The following TOX3 variants were observed in gnomAD, a reference collection of about 807,000 sequenced individuals.
TOX3 encodes TOX high mobility group box family member 3, also known as CAG trinucleotide repeat-containing gene F9 protein.
A neutral mutation model predicts 64.3 loss-of-function variants in TOX3; 22 were observed. That is an observed-to-expected ratio of 0.34 (90% CI 0.24 to 0.49). TOX3 has a LOEUF of 0.49. Among genes scored for constraint, TOX3 ranks in the 20% least tolerant of loss-of-function variants. The pLI is 0.99. For missense variants in TOX3, 661 were observed against 714.4 expected (o/e 0.93, Z 0.85); for synonymous variants, 291 against 273.6 (o/e 1.06, Z -0.63).
rs1555484130 is a variant in TOX3, at chr16:52,485,246, G to GTGTATATATATATATATATA, written c.88-16673_88-16672insTATATATATATATATATACA. Among the ~76,000 whole-genome samples, 208 of 127,782 alleles carry GTGTATATATATATATATATA rather than the reference G, an allele frequency of 1.6e-3. 4 individuals are homozygous for GTGTATATATATATATATATA. The highest frequency in any genetic ancestry group is 6.7e-3 in the African/African-American group (199 of 29,708). 83.8% of individuals were successfully genotyped at this position (127,782 alleles called of 152,430 possible). On this transcript the variant is annotated intron_variant, in intron 1 of 6. Transcript: ENST00000219746. ...CATGTGTGTGTGTGTATGTGTGTGTGTATATATATATATATATATATATAT... is the reference window on the plus strand; with the variant it reads ...CATGTGTGTGTGTGTATGTGTGTGTGTGTATATATATATATATATATATATATATATATATATATATATAT...
At chr16:52,494,215 G>A (rs771139039) in intron 1 of TOX3, among the ~76,000 whole-genome samples, 19 of 152,056 alleles carry the variant, frequency 1.2e-4, no homozygotes, top group East Asian at 5.8e-4. Flanking sequence ...ATTTTGATGC[G>A]GGTTGGGGGG....
At chr16:52,480,248 C>T (rs1484011843) in intron 1 of TOX3, among the ~76,000 whole-genome samples, 1 of 152,200 alleles carries the variant, frequency 6.6e-6, no homozygotes, top group South Asian at 2.1e-4. Context: ...GCACATGATG[C>T]AGCCCACATC....
Position 52,450,515 on chromosome 16 carries a change from C to T in TOX3, c.440G>A (p.Arg147Gln), listed in dbSNP as rs201164572. 105 of 1,613,786 alleles carry T rather than the reference C, an allele frequency of 6.5e-5. No homozygotes were observed. The highest frequency in any genetic ancestry group is 2.5e-4 in the South Asian group (23 of 91,080). Residue 147 changes from arginine (R) to glutamine (Q), a missense_variant, in exon 4 of 7, where the codon CGG becomes CAG. Arg to Gln is a conservative substitution (Grantham distance 43). Transcript: ENST00000219746. ...DQSHTQVSQY[R>Q]QDPSLIMRSI... is the part of the protein sequence containing the mutation. Reference sequence around the variant, plus strand: ...CCGCATGATCAGGGAGGGATCCTGCCGGTACTGGGACACTTGTGTGTGGCT... The same window carrying T: ...CCGCATGATCAGGGAGGGATCCTGCTGGTACTGGGACACTTGTGTGTGGCT...
chr16:52,507,944 C>T (rs1488601356), intron 1 of TOX3, among the ~76,000 whole-genome samples: 1 of 152,132 alleles, frequency 6.6e-6, no homozygotes, highest in Non-Finnish European at 1.5e-5. Context: ...AACTATATTA[C>T]AATTTAAGCT....
chr16:52,493,638 T>A (rs1391296126), intron 1 of TOX3, among the ~76,000 whole-genome samples: 1 of 152,156 alleles, frequency 6.6e-6, no homozygotes, highest in East Asian at 1.9e-4. Flanking sequence ...GTCCTCCATA[T>A]CTTCTTATTT....
intron 1 of TOX3, among the ~76,000 whole-genome samples, chr16:52,479,126 A>G (rs1462754296): frequency 6.6e-6 from 1 of 152,180 alleles, no homozygotes; most frequent in Non-Finnish European, 1.5e-5. Flanking sequence ...CTCCCCCTTG[A>G]AAGTCAGCAT....
chr16:52,505,870 G>A (rs1437880463), intron 1 of TOX3, among the ~76,000 whole-genome samples: 1 of 152,150 alleles, frequency 6.6e-6, no homozygotes, highest in Admixed American at 6.5e-5. Flanking sequence ...CAGCTACCCA[G>A]GAGGCTGAGG....
Position 52,438,926 on chromosome 16 carries a change from G to T in TOX3, c.*299C>A, listed in dbSNP as rs200843849. The T allele has an allele frequency of 1.8e-6, 1 of 561,658 alleles. No individual in the cohort carries two copies. 34.8% of individuals were successfully genotyped at this position (561,658 alleles called of 1,614,324 possible). ...AGTTTATAGTCATCAGTATGTCCCA[G>T]GATTCATTAAACAGTTTGATTCACA... On this transcript the variant is annotated 3_prime_UTR_variant, in exon 7 of 7. Coordinates refer to ENST00000219746, the MANE Select transcript of TOX3 (RefSeq NM_001080430.4).
intron 1 of TOX3, among the ~76,000 whole-genome samples, chr16:52,520,225 C>G (rs1158851025): frequency 2.0e-5 from 3 of 152,104 alleles, no homozygotes; most frequent in Admixed American, 2.0e-4. Context: ...ATTGGTTGAA[C>G]ACCTTCAGTT....
At chr16:52,517,786 T>A (rs1196993497) in intron 1 of TOX3, among the ~76,000 whole-genome samples, 2 of 152,198 alleles carry the variant, frequency 1.3e-5, no homozygotes, top group Non-Finnish European at 2.9e-5. Context: ...ATAATACTTT[T>A]AAAATATAAA....
intron 3 of TOX3, among the ~76,000 whole-genome samples, chr16:52,453,999 A>G (rs894618823): frequency 2.0e-5 from 3 of 152,212 alleles, no homozygotes; most frequent in South Asian, 2.1e-4. Context: ...TGCATTAGAT[A>G]CTAGTACTAT....
Position 52,437,452 on chromosome 16 carries a change from C to T in TOX3, c.*1773G>A, listed in dbSNP as rs1445794463. The stretch of plus-strand genomic sequence containing the variant: ...GGATTCTGGTCAGGGTTGACACTTG[C>T]TGTTTTTAATTTTCATTTTATCATA... On this transcript the variant is annotated 3_prime_UTR_variant, in exon 7 of 7. Transcript: ENST00000219746. The T allele has an allele frequency of 6.6e-6, 1 of 152,162 alleles. No individual in the cohort carries two copies. Among genetic ancestry groups the T allele is most frequent in the Non-Finnish European group, 1.5e-5 (1 of 68,028 alleles). The allele number at this position is 152,162 out of a possible 1,614,324, so 9.4% of individuals were successfully genotyped here.
chr16:52,535,979 T>G (rs1420261898), intron 1 of TOX3, among the ~76,000 whole-genome samples: 1 of 152,238 alleles, frequency 6.6e-6, no homozygotes, highest in Non-Finnish European at 1.5e-5. Flanking sequence ...CCTAGAAGTG[T>G]CTGACCCATA....
upstream of TOX3, chr16:52,547,622 C>T (rs1963230102): frequency 6.6e-6 from 1 of 152,556 alleles, no homozygotes; most frequent in Non-Finnish European, 1.5e-5. Context: ...CCCGCCTTGC[C>T]TTTCGAATGT....
chr16:52,477,800 A>G (rs1961256616), intron 1 of TOX3, among the ~76,000 whole-genome samples: 1 of 152,224 alleles, frequency 6.6e-6, no homozygotes, highest in South Asian at 2.1e-4. Context: ...TGAGGATTAA[A>G]TGGGTAAGTA....
chr16:52,452,903 C>T (rs940140195), intron 3 of TOX3, among the ~76,000 whole-genome samples: 1 of 152,184 alleles, frequency 6.6e-6, no homozygotes, highest in African/African-American at 2.4e-5. Context: ...ATATCACCGG[C>T]AGTGTTCTCC....
intron 1 of TOX3, chr16:52,519,659 C>CA: frequency 7.7e-7 from 1 of 1,306,700 alleles, no homozygotes; most frequent in Non-Finnish European, 1.0e-6. Flanking sequence ...TCTTACCAAG[C>CA]AAGAAGTAGT....
intron 4 of TOX3, among the ~76,000 whole-genome samples, 189 bp from the exon 5 acceptor site, chr16:52,446,410 A>T (rs1346695056): frequency 6.6e-6 from 1 of 152,190 alleles, no homozygotes; most frequent in Non-Finnish European, 1.5e-5. Flanking sequence ...CATTTAGAAC[A>T]TCGATTAATG....
At position 52,463,987 on chromosome 16, in the gene TOX3, A is replaced by G; in HGVS notation, c.355T>C (p.Ser119Pro). ...QSLDLPSITI[S>P]RNLVEQDGVL... ...CCATCTTGTTCCACGAGATTTCTTG[A>G]GATTGTAATGGAAGGGAGGTCCAGG... is the stretch of plus-strand genomic sequence containing the variant. Residue 119 changes from serine (S) to proline (P), a missense_variant, in exon 3 of 7, where the codon TCA (serine) becomes CCA (proline). Around this residue, in one of 3 missense-constraint regions of TOX3, gnomAD observed 259 missense variants for 261.2 expected, o/e 0.99. Coordinates refer to ENST00000219746, the MANE Select transcript of TOX3 (RefSeq NM_001080430.4). 1 of 1,594,124 alleles carries G rather than the reference A, an allele frequency of 6.3e-7. No homozygotes were observed. Among genetic ancestry groups the G allele is most frequent in the Non-Finnish European group, 8.6e-7 (1 of 1,169,496 alleles).
Sources: gnomAD v4.1 joint callset for allele counts (sites outside exome capture counted in the v4.1 genomes callset) on GRCh38, gnomAD v4.1.1 for gene constraint, gnomAD v4.1.1 regional missense constraint, MANE v1.5 for transcripts, NCBI Gene and HGNC (gene_info 2026-07-23, HGNC 2026-07-21) for gene names.